CDH13: variants seen among roughly 807,000 people sequenced by gnomAD.
CDH13 encodes the protein cadherin 13, also known as cadherin-13.
Under a neutral mutation model 63.8 loss-of-function variants are expected in CDH13, and 24 were observed. The observed-to-expected ratio is 0.38, with a 90% CI of 0.27 to 0.53. CDH13 has a LOEUF of 0.53. Ranked by LOEUF, CDH13 falls within the 20% of genes least tolerant of loss-of-function variation. The pLI, the probability that CDH13 is intolerant of heterozygous loss-of-function variation, is 0.85. For missense variants in CDH13, 1,049 were observed against 903.1 expected (o/e 1.16, Z -2.07); for synonymous variants, 503 against 355.3 (o/e 1.42, Z -4.67).
chr16:83,257,676 C>T (rs1357140816), intron 5 of CDH13, among the ~76,000 whole-genome samples: 1 of 152,186 alleles, frequency 6.6e-6, no homozygotes, highest in African/African-American at 2.4e-5. Context: ...CATTGATGGG[C>T]ATTTAAGTTG....
At position 83,196,533 on chromosome 16, in the gene CDH13, A is replaced by T. The variant is rs964847154; in HGVS notation, c.484-20812A>T. ...CTAGGAGAAAATACTTACAAACCAC[A>T]TATCTGAAAAAGGATTAGTATCTAG... On this transcript the variant is annotated intron_variant, in intron 4 of 13. Coordinates refer to ENST00000567109, the MANE Select transcript of CDH13 (RefSeq NM_001257.5). 2.0e-5 allele frequency among the ~76,000 whole-genome samples: 3 copies of T among 152,208 alleles called. No individual in the cohort carries two copies. The South Asian group carries it at 6.2e-4, about 32-fold the overall frequency.
chr16:82,919,770 C>T (rs1239747156), intron 2 of CDH13, among the ~76,000 whole-genome samples: 1 of 152,174 alleles, frequency 6.6e-6, no homozygotes, highest in Non-Finnish European at 1.5e-5. Context: ...TCCATCTGTT[C>T]GTCATCATTC....
At chr16:82,832,250 A>G (rs200091338) in intron 1 of CDH13, among the ~76,000 whole-genome samples, 1 of 120,110 alleles carries the variant, frequency 8.3e-6, no homozygotes, top group Non-Finnish European at 1.8e-5. Flanking sequence ...ACTGTTTAAT[A>G]CTTTATAAAT....
At chr16:82,811,454 T>G (rs2037440811) in intron 1 of CDH13, among the ~76,000 whole-genome samples, 1 of 152,144 alleles carries the variant, frequency 6.6e-6, no homozygotes, top group African/African-American at 2.4e-5. Flanking sequence ...AATTGAAATG[T>G]GATATAATAA....
intron 1 of CDH13, among the ~76,000 whole-genome samples, chr16:82,804,237 A>T (rs1417233743): frequency 8.5e-6 from 1 of 117,902 alleles, no homozygotes; most frequent in Admixed American, 8.1e-5. Context: ...AAAAAAAAAA[A>T]TGTGTTTAGA....
At chr16:83,512,709 G>T (rs1040163118) in intron 7 of CDH13, among the ~76,000 whole-genome samples, 13 of 148,558 alleles carry the variant, frequency 8.8e-5, no homozygotes, top group African/African-American at 2.8e-4. Flanking sequence ...TAGTAATAAA[G>T]AAAGTACATG....
chr16:82,652,657 C>CTGT (rs1910857622), intron 1 of CDH13, among the ~76,000 whole-genome samples: 1 of 148,714 alleles, frequency 6.7e-6, no homozygotes, highest in Admixed American at 6.7e-5. Context: ...GCTGCTGCTG[C>CTGT]TGAGGTTGGC....
At chr16:83,600,387 C>T (rs1316814649) in intron 7 of CDH13, among the ~76,000 whole-genome samples, 2 of 152,164 alleles carry the variant, frequency 1.3e-5, no homozygotes, top group Non-Finnish European at 2.9e-5. Context: ...CCCAGCAGAA[C>T]CAGGACTCCT....
intron 10 of CDH13, among the ~76,000 whole-genome samples, chr16:83,707,279 G>A (rs1033321353): frequency 9.9e-5 from 15 of 152,174 alleles, no homozygotes; most frequent in Middle Eastern, 3.4e-3. Flanking sequence ...TAACACTTTC[G>A]GTGAGTAGGA....
chr16:83,686,957 C>A (rs1339687372), intron 10 of CDH13, among the ~76,000 whole-genome samples: 1 of 152,154 alleles, frequency 6.6e-6, no homozygotes, highest in East Asian at 1.9e-4. Flanking sequence ...GCTTTGTAAT[C>A]CCAGCACTTC....
At position 83,130,167 on chromosome 16, in the gene CDH13, CATT is replaced by C. The variant is rs1426123384; in HGVS notation, c.483+4670_483+4672del. On this transcript the variant is annotated intron_variant, in intron 4 of 13. Coordinates refer to ENST00000567109, the MANE Select transcript of CDH13 (RefSeq NM_001257.5). ...AGAGGTGACAATATCAGCACATAGT[CATT>C]ATTTGTCCAGCACTGTGCTAAGCAC... Among the ~76,000 whole-genome samples the C allele has an allele frequency of 3.8e-4, 58 of 152,332 alleles. 1 individual carries two copies. The highest frequency in any genetic ancestry group is 1.3e-3 in the African/African-American group (55 of 41,560).
intron 10 of CDH13, among the ~76,000 whole-genome samples, chr16:83,698,025 G>A (rs1202535313): frequency 2.0e-5 from 3 of 152,202 alleles, no homozygotes; most frequent in African/African-American, 7.2e-5. Context: ...TTCACTACCT[G>A]TCTCCCCACA....
At chr16:83,432,879 A>G (rs775951336) in intron 6 of CDH13, among the ~76,000 whole-genome samples, 2 of 152,190 alleles carry the variant, frequency 1.3e-5, no homozygotes, top group South Asian at 4.1e-4. Context: ...TTCAAAGAAA[A>G]CTTGCATGGT....
chr16:82,752,405 C>A (rs1015223179), intron 1 of CDH13, among the ~76,000 whole-genome samples: 1 of 152,160 alleles, frequency 6.6e-6, no homozygotes, highest in African/African-American at 2.4e-5. Flanking sequence ...ACCCACCACA[C>A]CCCATGTGTC....
intron 11 of CDH13, among the ~76,000 whole-genome samples, chr16:83,753,300 T>G (rs760562784): frequency 3.9e-5 from 6 of 152,114 alleles, no homozygotes; most frequent in Non-Finnish European, 8.8e-5. Context: ...TCCTAGCACT[T>G]TGGGAGGCTG....
At chr16:82,994,313 A>G (rs569630563) in intron 2 of CDH13, among the ~76,000 whole-genome samples, 1 of 152,150 alleles carries the variant, frequency 6.6e-6, no homozygotes, top group South Asian at 2.1e-4. Flanking sequence ...ACTTAGTACA[A>G]CCCTGGCCCT....
intron 4 of CDH13, among the ~76,000 whole-genome samples, chr16:83,152,844 TC>T (rs2151697583): frequency 6.6e-6 from 1 of 152,286 alleles, no homozygotes; most frequent in South Asian, 2.1e-4. Flanking sequence ...ATAGATTGGG[TC>T]TTTAATCCAA....
chr16:83,753,799 C>T (rs1297489973), intron 11 of CDH13, among the ~76,000 whole-genome samples: 1 of 151,732 alleles, frequency 6.6e-6, no homozygotes, highest in African/African-American at 2.4e-5. Flanking sequence ...ACGGAAGTGT[C>T]CCCACTGTGA....
chr16:83,732,419 G>A (rs1911128583), intron 10 of CDH13, among the ~76,000 whole-genome samples: 1 of 152,182 alleles, frequency 6.6e-6, no homozygotes, highest in African/African-American at 2.4e-5. Context: ...AGGGTGAGTT[G>A]ATGGTGGGAG....
Sources: allele counts gnomAD v4.1 joint callset (sites outside exome capture counted in the v4.1 genomes callset), GRCh38; gene constraint gnomAD v4.1.1; transcripts MANE v1.5; gene names NCBI Gene and HGNC (gene_info 2026-07-23, HGNC 2026-07-21).